MICAL3: variants seen among roughly 807,000 people sequenced by gnomAD.
The protein encoded by MICAL3 is [F-actin]-monooxygenase MICAL3.
In MICAL3, 62 loss-of-function variants were observed where a neutral mutation model predicts 207.4. That is an observed-to-expected ratio of 0.30 (90% CI 0.24 to 0.37). The LOEUF (loss-of-function observed/expected upper bound fraction) is 0.37. Ranked by LOEUF, MICAL3 falls within the 10% of genes least tolerant of loss-of-function variation. MICAL3 has a pLI of 1.00. For missense variants in MICAL3, 2,368 were observed against 2,635.6 expected (o/e 0.90, Z 2.22); for synonymous variants, 1,077 against 1,069.3 (o/e 1.01, Z -0.14).
chr22:18,019,577 C>T (rs1373882608), intron 1 of MICAL3, among the ~76,000 whole-genome samples: 4 of 151,606 alleles, frequency 2.6e-5, no homozygotes, highest in Non-Finnish European at 4.4e-5. Flanking sequence ...CGCCTGTAAT[C>T]CCAGCTACTC....
At chr22:17,984,254 A>T (rs964370649) in intron 1 of MICAL3, among the ~76,000 whole-genome samples, 2 of 151,946 alleles carry the variant, frequency 1.3e-5, no homozygotes, top group African/African-American at 4.8e-5. Flanking sequence ...CCAGTTCCTG[A>T]CTCACTTCTT....
intron 1 of MICAL3, among the ~76,000 whole-genome samples, chr22:17,929,149 A>T (rs1474973555): frequency 7.0e-6 from 1 of 142,356 alleles, no homozygotes; most frequent in African/African-American, 2.7e-5. Context: ...GCCAGGCTGG[A>T]GTGTAGTGAT....
intron 1 of MICAL3, among the ~76,000 whole-genome samples, chr22:17,990,790 G>A (rs1046513273): frequency 2.6e-5 from 4 of 152,142 alleles, no homozygotes; most frequent in Non-Finnish European, 5.9e-5. Flanking sequence ...GATTGAAGGC[G>A]ATCATGCCAT....
At chr22:18,000,010 G>A (rs1922750935) in intron 1 of MICAL3, among the ~76,000 whole-genome samples, 1 of 152,200 alleles carries the variant, frequency 6.6e-6, no homozygotes, top group Admixed American at 6.5e-5. Flanking sequence ...ACGGGAGAAG[G>A]TAACCACAAT....
At chr22:17,973,598 G>C (rs1935514334) in intron 1 of MICAL3, among the ~76,000 whole-genome samples, 1 of 152,292 alleles carries the variant, frequency 6.6e-6, no homozygotes, top group South Asian at 2.1e-4. Context: ...ACCAATCAGA[G>C]CCAGGCTTAG....
intron 19 of MICAL3, among the ~76,000 whole-genome samples, chr22:17,849,318 C>T (rs1196810066): frequency 6.6e-6 from 1 of 152,154 alleles, no homozygotes; most frequent in African/African-American, 2.4e-5. Flanking sequence ...TCTAAGAGTC[C>T]TTCCAATCAA....
chr22:17,957,156 G>A (rs1005906405), intron 1 of MICAL3, among the ~76,000 whole-genome samples: 3 of 152,154 alleles, frequency 2.0e-5, no homozygotes, highest in Non-Finnish European at 4.4e-5. Context: ...AGAAAGCTAC[G>A]TGCCAGGGTA....
intron 19 of MICAL3, chr22:17,864,432 G>T: frequency 7.1e-7 from 1 of 1,404,594 alleles, no homozygotes; most frequent in African/African-American, 1.4e-5. Context: ...CAAGACCACG[G>T]GGCTTAATCA....
intron 1 of MICAL3, among the ~76,000 whole-genome samples, chr22:17,927,104 AG>A (rs2146308739): frequency 6.6e-6 from 1 of 152,258 alleles, no homozygotes; most frequent in Non-Finnish European, 1.5e-5. Flanking sequence ...CCCCTTCCTC[AG>A]CCCATGGTTG....
intron 19 of MICAL3, chr22:17,862,259 C>T (rs1210697707): frequency 2.0e-6 from 2 of 983,746 alleles, no homozygotes; most frequent in South Asian, 9.4e-5. Context: ...TTTCCCTTTT[C>T]TTCTTTTTTT....
chr22:17,928,079 T>G (rs1037607349), intron 1 of MICAL3, among the ~76,000 whole-genome samples: 1 of 152,192 alleles, frequency 6.6e-6, no homozygotes, highest in Non-Finnish European at 1.5e-5. Flanking sequence ...ATATGCAGCA[T>G]AGCGTGGTGG....
intron 1 of MICAL3, chr22:18,005,988 G>GTGA (rs1481442168): frequency 6.6e-6 from 1 of 152,170 alleles, no homozygotes; most frequent in African/African-American, 2.4e-5. Context: ...CCTGAACAAG[G>GTGA]TGATTGTGAG....
chr22:17,914,070 T>G (rs760869500), intron 1 of MICAL3, among the ~76,000 whole-genome samples: 1 of 152,206 alleles, frequency 6.6e-6, no homozygotes, highest in Admixed American at 6.5e-5. Flanking sequence ...CAACCCACAG[T>G]AGCGCTGTTA....
At chr22:17,860,015 C>T (rs756166386) in intron 19 of MICAL3, 9 of 187,474 alleles carry the variant, frequency 4.8e-5, no homozygotes, top group Non-Finnish European at 8.0e-5. Context: ...CCCCACTTTG[C>T]ACCTCTGCTG....
At chr22:17,861,330 C>T (rs1053451532) in intron 19 of MICAL3, 8 of 985,318 alleles carry the variant, frequency 8.1e-6, no homozygotes, top group Non-Finnish European at 9.6e-6. Flanking sequence ...AGGCAACTGC[C>T]ACTTGTGACC....
In MICAL3 at chr22:17,817,676, G is replaced by A. The variant is rs1338696401; in HGVS notation, c.4985C>T (p.Thr1662Ile). The A allele has an allele frequency of 6.2e-7, 1 of 1,609,796 alleles. No homozygotes were observed. The highest frequency in any genetic ancestry group is 8.5e-7 in the Non-Finnish European group (1 of 1,178,886). Residue 1662 changes from threonine to isoleucine, a missense_variant, in exon 26 of 32, where the codon ACC (threonine) becomes ATC (isoleucine). Physicochemically the swap from Thr to Ile is moderately conservative, Grantham distance 89 (BLOSUM62 -1). Transcript: ENST00000441493. ...RPTLRGSEEP[T>I]LKHEATSEEV... ...CTCGCTGGTGGCTTCATGCTTCAGGGTGGGCTCCTCGGAGCCCCTGAGAGT... is the reference window on the plus strand; with the variant it reads ...CTCGCTGGTGGCTTCATGCTTCAGGATGGGCTCCTCGGAGCCCCTGAGAGT...
At position 18,016,668 on chromosome 22, in the gene MICAL3, C is replaced by T. The variant is rs189586629; in HGVS notation, c.-75+7613G>A. 8.5e-5 allele frequency among the ~76,000 whole-genome samples: 13 copies of T among 152,266 alleles called. No homozygotes were observed. In the East Asian group the frequency reaches 2.3e-3, roughly 27 times the overall value. On this transcript the variant is annotated intron_variant, in intron 1 of 31. Transcript: ENST00000441493. ...CTTTAAAATGTTTCTAGGCCGGGTG[C>T]GGTGGCTCACGCCTGTAATCCCAGC...
intron 19 of MICAL3, among the ~76,000 whole-genome samples, chr22:17,859,492 C>T (rs1047301431): frequency 2.6e-5 from 4 of 152,234 alleles, no homozygotes; most frequent in Admixed American, 1.3e-4. Flanking sequence ...ATGCCAGCAG[C>T]GGTGTGTGTG....
chr22:17,880,631 C>T (rs747677143), intron 16 of MICAL3, among the ~76,000 whole-genome samples: 32 of 152,192 alleles, frequency 2.1e-4, no homozygotes, highest in Non-Finnish European at 2.8e-4. Flanking sequence ...CGCAGACACA[C>T]GCCTGCTGTC....
Sources: allele counts gnomAD v4.1 joint callset (sites outside exome capture counted in the v4.1 genomes callset), GRCh38; gene constraint gnomAD v4.1.1; transcripts MANE v1.5; gene names NCBI Gene and HGNC (gene_info 2026-07-23, HGNC 2026-07-21).